The following FARP2 variants were observed in gnomAD, a reference collection of about 807,000 sequenced individuals.
The protein encoded by FARP2 is FERM, ARH/RhoGEF and pleckstrin domain protein 2.
A neutral mutation model predicts 130.5 loss-of-function variants in FARP2; 111 were observed. That is an observed-to-expected ratio of 0.85 (90% CI 0.73 to 1.00). FARP2 has a LOEUF of 1.00. FARP2 is among the 50% of genes least tolerant of loss of function. FARP2 has a pLI of 0.00. For synonymous variants in FARP2, 504 were observed against 516.9 expected (o/e 0.98, Z 0.34); for missense variants, 1,385 against 1,346.3 (o/e 1.03, Z -0.45).
At chr2:241,487,746 CTTTTTTTT>C (rs1167750549) in intron 21 of FARP2, among the ~76,000 whole-genome samples, 1 of 73,232 alleles carries the variant, frequency 1.4e-5, no homozygotes, top group South Asian at 6.0e-4. Context: ...CTAGCCTACT[CTTTTTTTT>C]TTTTTTTTTT....
chr2:241,441,218 C>A, intron 12 of FARP2, 86 bp from the exon 13 acceptor site: 1 of 1,297,108 alleles, frequency 7.7e-7, no homozygotes, highest in South Asian at 1.5e-5. Flanking sequence ...TGTGGATGCC[C>A]TAAGTTAGGC....
intron 2 of FARP2, among the ~76,000 whole-genome samples, chr2:241,385,468 T>C (rs747352079): frequency 7.9e-5 from 12 of 152,156 alleles, no homozygotes; most frequent in African/African-American, 1.2e-4. Flanking sequence ...ATACCTATAA[T>C]CCCGGCACTT....
At chr2:241,377,982 A>G (rs540358236) in intron 2 of FARP2, among the ~76,000 whole-genome samples, 5 of 152,280 alleles carry the variant, frequency 3.3e-5, no homozygotes, top group South Asian at 4.1e-4. Context: ...GCAATGTTAT[A>G]TGTTCCAATT....
chr2:241,465,358 C>A, intron 17 of FARP2: 1 of 863,970 alleles, frequency 1.2e-6, no homozygotes, highest in Non-Finnish European at 1.9e-6. Context: ...CTCCCCAGGG[C>A]AGGACCTGTT....
At position 241,404,341 on chromosome 2, in the gene FARP2, T is replaced by A. The variant is rs1478780123; in HGVS notation, c.288+409T>A. Among the ~76,000 whole-genome samples the A allele has an allele frequency of 3.9e-5, 6 of 152,356 alleles. No individual in the cohort carries two copies. The East Asian group carries it at 1.2e-3, about 29-fold the overall frequency. Reference sequence around the variant, plus strand: ...CATCAACCCTTTAGTTCAAAAAGCATGTCAGCGTTATTAAGTTCTGTCCAG... The same window carrying A: ...CATCAACCCTTTAGTTCAAAAAGCAAGTCAGCGTTATTAAGTTCTGTCCAG... On this transcript the variant is annotated intron_variant, in intron 3 of 26. Transcript: ENST00000264042.
At chr2:241,432,722 T>G (rs2063123784) in intron 9 of FARP2, among the ~76,000 whole-genome samples, 1 of 152,232 alleles carries the variant, frequency 6.6e-6, no homozygotes, top group South Asian at 2.1e-4. Context: ...GTGTATTTGG[T>G]AAAATCCAGT....
intron 17 of FARP2, among the ~76,000 whole-genome samples, chr2:241,464,634 C>T (rs1414353806): frequency 6.6e-6 from 1 of 152,020 alleles, no homozygotes; most frequent in East Asian, 1.9e-4. Flanking sequence ...CCCTCAGGCT[C>T]TCAGAACAGG....
intron 2 of FARP2, among the ~76,000 whole-genome samples, chr2:241,380,931 C>T (rs2061646407): frequency 6.6e-6 from 1 of 152,108 alleles, no homozygotes; most frequent in Admixed American, 6.5e-5. Context: ...CCTCCATGAC[C>T]AGTGTGCCCA....
intron 1 of FARP2, among the ~76,000 whole-genome samples, chr2:241,366,125 A>ATATATATATATACG (rs56659405): frequency 0.11 from 7,419 of 66,826 alleles, 638 homozygotes; most frequent in Non-Finnish European, 0.15. Flanking sequence ...ATATATACGT[A>ATATATATATATACG]TATATATATA....
Position 241,386,284 on chromosome 2 carries a change from T to G in FARP2, c.183+12994T>G, listed in dbSNP as rs574764073. 1.2e-3 allele frequency among the ~76,000 whole-genome samples: 189 copies of G among 152,252 alleles called. 2 individuals carry two copies. Among genetic ancestry groups the G allele is most frequent in the Non-Finnish European group, 7.4e-5 (5 of 68,010 alleles). ...TTTAATTTTAGAGATGGGGTCCCGCTGTTGTTGCTCAGGCTAGCTTGAGCC... is the reference window on the plus strand; with the variant it reads ...TTTAATTTTAGAGATGGGGTCCCGCGGTTGTTGCTCAGGCTAGCTTGAGCC... On this transcript the variant is annotated intron_variant, in intron 2 of 26. Coordinates refer to ENST00000264042, the MANE Select transcript of FARP2 (RefSeq NM_014808.4).
intron 18 of FARP2, among the ~76,000 whole-genome samples, chr2:241,471,898 CCA>C (rs1183014660): frequency 4.9e-5 from 4 of 81,230 alleles, no homozygotes; most frequent in Non-Finnish European, 8.2e-5. Context: ...TCTGAGAGGA[CCA>C]TGTTCTGTGG....
intron 2 of FARP2, chr2:241,386,604 C>T (rs2061789643): frequency 6.6e-6 from 1 of 152,272 alleles, no homozygotes; most frequent in Non-Finnish European, 1.5e-5. Flanking sequence ...GCAGCTGTCT[C>T]TTCACGCGTC....
At chr2:241,448,753 C>G (rs1035351556) in intron 13 of FARP2, among the ~76,000 whole-genome samples, 2 of 152,230 alleles carry the variant, frequency 1.3e-5, no homozygotes, top group Admixed American at 1.3e-4. Flanking sequence ...ATTGGGAGCA[C>G]TTCGTGTGTT....
intron 13 of FARP2, chr2:241,456,319 C>A: frequency 6.5e-6 from 1 of 154,960 alleles, no homozygotes; most frequent in Non-Finnish European, 1.4e-5. Flanking sequence ...GATGTTAGCC[C>A]TGGTTTGACA....
At position 241,361,908 on chromosome 2, in the gene FARP2, T is replaced by A. The variant is rs549072670; in HGVS notation, c.-25+5520T>A. 2.2e-4 allele frequency among the ~76,000 whole-genome samples: 33 copies of A among 152,022 alleles called. No individual in the cohort carries two copies. In the South Asian group the frequency reaches 2.5e-3, roughly 11 times the overall value. ...ATTTTTATTTTTTATTTATTTATTT[T>A]TTTTTAGACAGAGTTTCACTCTGTC... On this transcript the variant is annotated intron_variant, in intron 1 of 26. Coordinates refer to ENST00000264042, the MANE Select transcript of FARP2 (RefSeq NM_014808.4).
At chr2:241,480,991 G>A (rs183170065) in intron 19 of FARP2, among the ~76,000 whole-genome samples, 1 of 145,186 alleles carries the variant, frequency 6.9e-6, no homozygotes, top group Non-Finnish European at 1.5e-5. Context: ...GGCCACGGCA[G>A]AAGGATCACT....
intron 11 of FARP2, 120 bp from the exon 12 acceptor site, chr2:241,436,361 C>T: frequency 1.2e-6 from 1 of 813,994 alleles, no homozygotes; most frequent in African/African-American, 1.7e-5. Flanking sequence ...AGTTAGATAC[C>T]TCTTAGCTAC....
intron 1 of FARP2, among the ~76,000 whole-genome samples, chr2:241,365,852 G>T (rs1319277820): frequency 6.6e-6 from 1 of 151,608 alleles, no homozygotes; most frequent in African/African-American, 2.4e-5. Context: ...CTAATTATGT[G>T]AAACCATTTA....
At chr2:241,418,871 T>A (rs2062742243) in intron 8 of FARP2, among the ~76,000 whole-genome samples, 1 of 152,192 alleles carries the variant, frequency 6.6e-6, no homozygotes, top group Admixed American at 6.5e-5. Flanking sequence ...GCTAAATATG[T>A]CCAACTTGTC....
Sources: allele counts gnomAD v4.1 joint callset (sites outside exome capture counted in the v4.1 genomes callset), GRCh38; gene constraint gnomAD v4.1.1; transcripts MANE v1.5; gene names NCBI Gene and HGNC (gene_info 2026-07-23, HGNC 2026-07-21).